PLA2R1: variants seen among roughly 807,000 people sequenced by gnomAD.
PLA2R1 encodes the protein phospholipase A2 receptor 1.
PLA2R1 carries 158 observed loss-of-function variants against 195.9 expected under a neutral mutation model. That is an observed-to-expected ratio of 0.81 (90% CI 0.71 to 0.92). The LOEUF is 0.92. Ranked by LOEUF, PLA2R1 falls within the 40% of genes least tolerant of loss-of-function variation. The pLI is 0.00. For synonymous variants in PLA2R1, 586 were observed against 598.2 expected (o/e 0.98, Z 0.30); for missense variants, 1,626 against 1,764.6 (o/e 0.92, Z 1.41).
intron 20 of PLA2R1, among the ~76,000 whole-genome samples, chr2:159,966,186 T>G (rs538096445): frequency 6.6e-6 from 1 of 152,220 alleles, no homozygotes; most frequent in East Asian, 1.9e-4. Context: ...ATGTAGTATA[T>G]CCATACAATG....
At chr2:159,973,493 T>C (rs991484477) in intron 17 of PLA2R1, among the ~76,000 whole-genome samples, 1 of 149,576 alleles carries the variant, frequency 6.7e-6, no homozygotes, top group Non-Finnish European at 1.5e-5. Flanking sequence ...GTCTCATGAA[T>C]GGGATTAGTG....
chr2:160,011,770 C>G (rs1417665785), intron 10 of PLA2R1, among the ~76,000 whole-genome samples: 2 of 152,138 alleles, frequency 1.3e-5, no homozygotes, highest in Non-Finnish European at 2.9e-5. Flanking sequence ...GGTGAGTTAA[C>G]AAATTGATAA....
intron 6 of PLA2R1, among the ~76,000 whole-genome samples, chr2:160,023,927 C>T (rs907243): frequency 0.46 from 66,096 of 144,680 alleles, 15,595 homozygotes; most frequent in Non-Finnish European, 0.51. Context: ...ATAAGCAGCT[C>T]AGAGCCAGGA....
chr2:160,034,817 C>A (rs999530298), intron 3 of PLA2R1, among the ~76,000 whole-genome samples: 2 of 151,464 alleles, frequency 1.3e-5, no homozygotes, highest in Admixed American at 6.6e-5. Flanking sequence ...GCCTGTAATC[C>A]CAGCCCTTTG....
At chr2:159,955,913 AT>A (rs1342437475) in intron 21 of PLA2R1, 85 bp from the exon 22 acceptor site, 5 of 760,624 alleles carry the variant, frequency 6.6e-6, no homozygotes, top group Admixed American at 2.8e-5. Flanking sequence ...CTATGATTAT[AT>A]TTAAATGCCA....
chr2:160,027,252 G>A (rs1322464365), intron 6 of PLA2R1, among the ~76,000 whole-genome samples: 2 of 152,094 alleles, frequency 1.3e-5, no homozygotes, highest in African/African-American at 4.8e-5. Context: ...ATAACAGAAG[G>A]AAAGAAGGGT....
intron 11 of PLA2R1, among the ~76,000 whole-genome samples, chr2:160,001,233 A>C (rs924138606): frequency 6.6e-6 from 1 of 152,200 alleles, no homozygotes; most frequent in Non-Finnish European, 1.5e-5. Flanking sequence ...AAAGATGAAT[A>C]ACTTTGATAT....
intron 12 of PLA2R1, among the ~76,000 whole-genome samples, chr2:159,986,307 TA>T (rs1326209395): frequency 6.6e-6 from 1 of 151,874 alleles, no homozygotes; most frequent in South Asian, 2.1e-4. Flanking sequence ...ATGCAAATAT[TA>T]AAAAAAACAA....
At chr2:160,035,463 C>T (rs1478552698) in intron 3 of PLA2R1, among the ~76,000 whole-genome samples, 2 of 152,170 alleles carry the variant, frequency 1.3e-5, no homozygotes, top group Admixed American at 6.5e-5. Context: ...AGGGTCACCC[C>T]AGCTTGAGAA....
rs1687609068 is a variant in PLA2R1 at position 159,949,643 on chromosome 2, G to A, written c.3674C>T (p.Ser1225Leu). The A allele has an allele frequency of 6.2e-7, 1 of 1,613,896 alleles. No homozygotes were observed. Among genetic ancestry groups the A allele is most frequent in the African/African-American group, 1.3e-5 (1 of 74,924 alleles). ...NGRWHSTACE[S>L]FLQGAICHVP... is the part of the protein sequence containing the mutation. ...ATGACAAATGGCACCTTGCAGAAAT[G>A]ACTCGCAGGCTGTGCTATGCCAGCG... Residue 1225 changes from serine (S) to leucine (L), a missense_variant, in exon 25 of 30, where the codon TCA (serine) becomes TTA (leucine). Ser to Leu is a moderately radical substitution (Grantham distance 145, BLOSUM62 -2). Transcript: ENST00000283243.
downstream of PLA2R1, chr2:159,931,928 C>T (rs1686606972): frequency 6.6e-6 from 1 of 152,098 alleles, no homozygotes; most frequent in Admixed American, 6.6e-5. Context: ...CTTATGATTC[C>T]TTCCTTTAAC....
chr2:159,999,021 G>C (rs74865323), intron 11 of PLA2R1, among the ~76,000 whole-genome samples: 2,891 of 152,194 alleles, frequency 0.019, 47 homozygotes, highest in Middle Eastern at 0.034. Flanking sequence ...ATAAAGTCAT[G>C]AGTGCTCCAT....
intron 6 of PLA2R1, 91 bp from the exon 7 acceptor site, chr2:160,022,950 C>T (rs1693241082): frequency 1.1e-6 from 1 of 881,690 alleles, no homozygotes; most frequent in Non-Finnish European, 1.7e-6. Context: ...AATATGATTA[C>T]TTTAAAAATG....
Position 160,053,177 on chromosome 2 carries a change from CCT to C in PLA2R1, c.110-8022_110-8021del, listed in dbSNP as rs148091989. The stretch of plus-strand genomic sequence containing the variant: ...TTGGCCCCTAGAGGACCATCTTCTC[CCT>C]GTGTCTCTTCACATCATCTCTCTAT... On this transcript the variant is annotated intron_variant, in intron 1 of 29. Transcript: ENST00000283243. Among the ~76,000 whole-genome samples the C allele has an allele frequency of 4.3e-3, 659 of 152,218 alleles. 3 individuals are homozygous for C. The highest frequency in any genetic ancestry group is 0.015 in the African/African-American group (640 of 41,532).
intron 26 of PLA2R1, 101 bp downstream of exon 26, chr2:159,947,318 A>C: frequency 9.7e-7 from 1 of 1,034,686 alleles, no homozygotes; most frequent in Non-Finnish European, 1.4e-6. Flanking sequence ...TGTTGCTCCT[A>C]AAGTCACTAA....
intron 17 of PLA2R1, among the ~76,000 whole-genome samples, chr2:159,970,471 CTCTCTAAGAAGGTT>C (rs1560160833): frequency 6.6e-6 from 1 of 152,140 alleles, no homozygotes; most frequent in African/African-American, 2.4e-5. Context: ...ATGTTTCTAA[CTCTCTAAGAAGGTT>C]TTAAAAAGTA....
At chr2:159,955,077 G>A (rs1385809686) in intron 23 of PLA2R1, 122 bp downstream of exon 23, 1 of 688,114 alleles carries the variant, frequency 1.5e-6, no homozygotes. Flanking sequence ...CAAAGAAGAA[G>A]TGCCTGACAC....
chr2:159,998,865 C>T (rs1342526898), intron 11 of PLA2R1, among the ~76,000 whole-genome samples: 2 of 152,052 alleles, frequency 1.3e-5, no homozygotes, highest in African/African-American at 4.8e-5. Flanking sequence ...GGAATTAATC[C>T]TCCCTTCATT....
chr2:159,955,658 T>C, intron 22 of PLA2R1, 40 bp downstream of exon 22: 1 of 1,158,814 alleles, frequency 8.6e-7, no homozygotes, highest in African/African-American at 1.6e-5. Context: ...ATAAAATATC[T>C]TGCCAAAGTG....
Sources: gnomAD v4.1 joint callset for allele counts (sites outside exome capture counted in the v4.1 genomes callset) on GRCh38, gnomAD v4.1.1 for gene constraint, MANE v1.5 for transcripts, NCBI Gene and HGNC (gene_info 2026-07-23, HGNC 2026-07-21) for gene names.